ARHGAP26: variants seen among roughly 807,000 people sequenced by gnomAD.
The protein encoded by ARHGAP26 is Rho GTPase activating protein 26.
ARHGAP26 carries 38 observed loss-of-function variants against 104.8 expected under a neutral mutation model. The ratio of observed to expected loss-of-function variants is 0.36; its 90% CI spans 0.28 to 0.48. ARHGAP26 has a LOEUF of 0.48. Ranked by LOEUF, ARHGAP26 falls within the 20% of genes least tolerant of loss-of-function variation. The pLI is 0.99. For missense variants in ARHGAP26, 704 were observed against 947.9 expected, an observed-to-expected ratio of 0.74 and a Z score of 3.38; for synonymous variants, 341 against 340.0, an observed-to-expected ratio of 1.00 and a Z score of -0.03.
chr5:142,802,386 G>A (rs1388368170), intron 1 of ARHGAP26, among the ~76,000 whole-genome samples: 2 of 152,208 alleles, frequency 1.3e-5, no homozygotes, highest in African/African-American at 4.8e-5. Context: ...CCAGTAGATG[G>A]AGGAAAGAAA....
chr5:142,981,565 T>C (rs760625965), intron 11 of ARHGAP26, among the ~76,000 whole-genome samples: 1 of 152,216 alleles, frequency 6.6e-6, no homozygotes, highest in Non-Finnish European at 1.5e-5. Flanking sequence ...TGCAAGTTAG[T>C]ATTTGGAACG....
chr5:142,849,794 C>A (rs1485592503), intron 1 of ARHGAP26, among the ~76,000 whole-genome samples: 1 of 152,122 alleles, frequency 6.6e-6, no homozygotes, highest in African/African-American at 2.4e-5. Flanking sequence ...GTGTTTCTGT[C>A]CTCTTTCCTC....
At chr5:143,198,971 C>T (rs1807285671) in intron 20 of ARHGAP26, among the ~76,000 whole-genome samples, 1 of 152,134 alleles carries the variant, frequency 6.6e-6, no homozygotes, top group Non-Finnish European at 1.5e-5. Context: ...GAAAACAGAA[C>T]CGCTGCATTG....
intron 1 of ARHGAP26, among the ~76,000 whole-genome samples, chr5:142,778,376 AC>A (rs1215171574): frequency 2.6e-5 from 4 of 151,756 alleles, no homozygotes; most frequent in Non-Finnish European, 5.9e-5. Context: ...GTGTAAAAGC[AC>A]CCCCTTTTCC....
At chr5:143,168,463 T>C (rs1802335733) in intron 20 of ARHGAP26, 1 of 143,694 alleles carries the variant, frequency 7.0e-6, no homozygotes, top group Non-Finnish European at 1.5e-5. Flanking sequence ...TTTTTTTTTT[T>C]TTTTTTTTTT....
intron 19 of ARHGAP26, among the ~76,000 whole-genome samples, chr5:143,141,915 C>T (rs1306794836): frequency 1.3e-5 from 2 of 152,158 alleles, no homozygotes; most frequent in African/African-American, 2.4e-5. Flanking sequence ...AGTGCAATCC[C>T]AGGCCACCCA....
intron 17 of ARHGAP26, among the ~76,000 whole-genome samples, chr5:143,074,614 A>T (rs577293233): frequency 1.3e-5 from 2 of 152,330 alleles, no homozygotes; most frequent in African/African-American, 4.8e-5. Flanking sequence ...TCATTTATTT[A>T]TGTGTTACCT....
At chr5:142,890,136 T>TAAAAAAAAAAAAA (rs1162535877) in intron 5 of ARHGAP26, among the ~76,000 whole-genome samples, 13 of 29,196 alleles carry the variant, frequency 4.5e-4, no homozygotes, top group African/African-American at 1.1e-3. Flanking sequence ...AACTCCGTCT[T>TAAAAAAAAAAAAA]AAAAAAAAAA....
chr5:143,007,522 T>A (rs930256253), intron 11 of ARHGAP26, among the ~76,000 whole-genome samples: 1 of 152,222 alleles, frequency 6.6e-6, no homozygotes. Context: ...TTGAGTTCTT[T>A]GTTAATTGGC....
At chr5:142,983,057 C>A (rs1774181966) in intron 11 of ARHGAP26, among the ~76,000 whole-genome samples, 3 of 152,140 alleles carry the variant, frequency 2.0e-5, no homozygotes, top group African/African-American at 7.2e-5. Context: ...AAGGGGTTGC[C>A]CTTTGTTGGC....
rs1268420395 is a variant in ARHGAP26 at position 142,770,816 on chromosome 5, C to G, written c.55C>G (p.Arg19Gly). ...CTGCTGCCTCGATAGTCCGCACTTCCGAGAGACGCTCAAGTCGCACGAAGC... is the reference window on the plus strand; with the variant it reads ...CTGCTGCCTCGATAGTCCGCACTTCGGAGAGACGCTCAAGTCGCACGAAGC... ...SDCCLDSPHF[R>G]ETLKSHEAEL... is the part of the protein sequence containing the mutation. Residue 19 changes from arginine to glycine, a missense_variant, in exon 1 of 23, where the codon CGA (arginine) becomes GGA (glycine). By Grantham distance (125) the Arg-to-Gly change is moderately radical (BLOSUM62 -2). Transcript: ENST00000645722. 1 of 1,609,106 alleles carries G rather than the reference C, an allele frequency of 6.2e-7. No homozygotes were observed. Among genetic ancestry groups the G allele is most frequent in the Non-Finnish European group, 8.5e-7 (1 of 1,177,700 alleles).
chr5:142,992,923 C>T (rs1775832140), intron 11 of ARHGAP26, among the ~76,000 whole-genome samples: 1 of 152,208 alleles, frequency 6.6e-6, no homozygotes, highest in Admixed American at 6.5e-5. Flanking sequence ...TGCTGCTAGA[C>T]AGATGGCAAT....
chr5:142,876,472 A>T (rs1464757346), intron 3 of ARHGAP26, among the ~76,000 whole-genome samples: 2 of 152,006 alleles, frequency 1.3e-5, no homozygotes, highest in Non-Finnish European at 2.9e-5. Context: ...GCATTATATT[A>T]AAAAATATTA....
chr5:142,851,274 T>G (rs922102005), intron 1 of ARHGAP26, among the ~76,000 whole-genome samples: 2 of 152,134 alleles, frequency 1.3e-5, no homozygotes, highest in Non-Finnish European at 2.9e-5. Flanking sequence ...TTTTTGTATT[T>G]TTAGTAGAGA....
At chr5:143,116,902 G>A (rs1016797979) in intron 17 of ARHGAP26, among the ~76,000 whole-genome samples, 3 of 152,146 alleles carry the variant, frequency 2.0e-5, no homozygotes, top group Admixed American at 2.0e-4. Flanking sequence ...TGCCCCTCGG[G>A]AGATCCACTG....
At chr5:143,167,482 CAAAAAAAAAAAAAAAAAAAAA>C (rs6149274) in intron 20 of ARHGAP26, among the ~76,000 whole-genome samples, 6 of 60,090 alleles carry the variant, frequency 1.0e-4, no homozygotes, top group East Asian at 4.2e-4. Flanking sequence ...GACTCCATCT[CAAAAAAAAAAAAAAAAAAAAA>C]AAAAAAAAAA....
intron 1 of ARHGAP26, among the ~76,000 whole-genome samples, chr5:142,854,199 A>AGAGAC (rs1751984803): frequency 6.6e-6 from 1 of 152,226 alleles, no homozygotes; most frequent in Non-Finnish European, 1.5e-5. Flanking sequence ...GAGAATTCTT[A>AGAGAC]ATGCCTGTCT....
At chr5:143,129,359 T>C (rs1282416645) in intron 18 of ARHGAP26, among the ~76,000 whole-genome samples, 1 of 152,186 alleles carries the variant, frequency 6.6e-6, no homozygotes, top group Non-Finnish European at 1.5e-5. Flanking sequence ...GGCGTGTCAG[T>C]CCTCACCACA....
At chr5:142,790,276 A>G (rs1397066384) in intron 1 of ARHGAP26, among the ~76,000 whole-genome samples, 12 of 152,188 alleles carry the variant, frequency 7.9e-5, no homozygotes, top group Admixed American at 6.5e-5. Context: ...TGAGGGGCTG[A>G]ATGACCTTCC....
Sources: gnomAD v4.1 joint callset for allele counts (sites outside exome capture counted in the v4.1 genomes callset) on GRCh38, gnomAD v4.1.1 for gene constraint, MANE v1.5 for transcripts, NCBI Gene and HGNC (gene_info 2026-07-23, HGNC 2026-07-21) for gene names.